IMMP1L: variants seen among roughly 807,000 people sequenced by gnomAD.
IMMP1L encodes the protein mitochondrial inner membrane protease subunit 1.
In IMMP1L, 24 loss-of-function variants were observed where a neutral mutation model predicts 21.8. That is an observed-to-expected ratio of 1.10 (90% CI 0.80 to 1.55). The LOEUF (loss-of-function observed/expected upper bound fraction) is 1.55. IMMP1L is among the 40% of genes most tolerant of loss of function. The pLI is 0.00. For missense variants in IMMP1L, 195 were observed against 200.7 expected (o/e 0.97, Z 0.17); for synonymous variants, 46 against 62.8 (o/e 0.73, Z 1.26).
At chr11:31,502,530 G>A (rs994051971) in intron 1 of IMMP1L, among the ~76,000 whole-genome samples, 4 of 152,070 alleles carry the variant, frequency 2.6e-5, no homozygotes, top group African/African-American at 4.8e-5. Flanking sequence ...GGGACCCTTC[G>A]GGCAAAATCA....
chr11:31,506,680 G>A (rs905262650), intron 1 of IMMP1L, among the ~76,000 whole-genome samples: 8 of 147,992 alleles, frequency 5.4e-5, no homozygotes, highest in Non-Finnish European at 8.9e-5. Flanking sequence ...AAAAAAAGGC[G>A]GCTGGGCGCG....
intron 1 of IMMP1L, among the ~76,000 whole-genome samples, chr11:31,495,965 GAAAT>G (rs1268110030): frequency 2.0e-5 from 3 of 151,926 alleles, no homozygotes; most frequent in Non-Finnish European, 4.4e-5. Context: ...GGTCACAAAA[GAAAT>G]AAAAATATAT....
intron 1 of IMMP1L, among the ~76,000 whole-genome samples, chr11:31,482,178 T>C (rs1294742403): frequency 1.3e-5 from 2 of 152,052 alleles, no homozygotes; most frequent in Non-Finnish European, 2.9e-5. Context: ...TGTCTCCAGA[T>C]ACAAACTGAG....
chr11:31,476,534 C>G (rs1454555691), intron 1 of IMMP1L, among the ~76,000 whole-genome samples: 1 of 151,792 alleles, frequency 6.6e-6, no homozygotes, highest in East Asian at 1.9e-4. Flanking sequence ...TTTATAATTT[C>G]AAGAAAATAC....
intron 1 of IMMP1L, among the ~76,000 whole-genome samples, chr11:31,506,052 T>C (rs1955768108): frequency 6.6e-6 from 1 of 152,092 alleles, no homozygotes; most frequent in African/African-American, 2.4e-5. Context: ...CCGCACACTG[T>C]TCAAGGATCA....
intron 4 of IMMP1L, among the ~76,000 whole-genome samples, chr11:31,455,708 C>T (rs1227008003): frequency 1.3e-5 from 2 of 152,056 alleles, no homozygotes; most frequent in Admixed American, 6.5e-5. Context: ...TTTTTATGAC[C>T]TTGACATTTT....
At chr11:31,484,786 T>C (rs1397755426) in intron 1 of IMMP1L, among the ~76,000 whole-genome samples, 1 of 151,918 alleles carries the variant, frequency 6.6e-6, no homozygotes, top group East Asian at 1.9e-4. Flanking sequence ...GCCTCTAAAA[T>C]ACTTTGTTTA....
In IMMP1L at chr11:31,450,719, C is replaced by T. The variant is rs1050278723; in HGVS notation, c.321+5541G>A. On this transcript the variant is annotated intron_variant, in intron 4 of 5. Coordinates refer to ENST00000532287, the MANE Select transcript of IMMP1L (RefSeq NM_001304274.2). Reference sequence around the variant, plus strand: ...TCAGCAGCGTGGTAGGCTCCATGAACATCTTCTGAGAAGTTGTAACATCAT... The same window carrying T: ...TCAGCAGCGTGGTAGGCTCCATGAATATCTTCTGAGAAGTTGTAACATCAT... 7.0e-4 allele frequency among the ~76,000 whole-genome samples: 107 copies of T among 152,120 alleles called. 2 individuals carry two copies. Among genetic ancestry groups the T allele is most frequent in the Non-Finnish European group, 1.5e-4 (10 of 68,010 alleles).
chr11:31,433,056 ACAATAAGT>A (rs1300062308), intron 5 of IMMP1L, among the ~76,000 whole-genome samples: 3 of 152,222 alleles, frequency 2.0e-5, no homozygotes, highest in Non-Finnish European at 4.4e-5. Flanking sequence ...TCATACATTC[ACAATAAGT>A]CTGTGACTCA....
At chr11:31,442,251 T>C (rs897020363) in intron 4 of IMMP1L, among the ~76,000 whole-genome samples, 4 of 152,172 alleles carry the variant, frequency 2.6e-5, no homozygotes, top group Admixed American at 2.0e-4. Context: ...TTCTCAGCTA[T>C]ATTTACTGAG....
chr11:31,465,976 A>G (rs1386114049), intron 1 of IMMP1L, among the ~76,000 whole-genome samples: 1 of 151,966 alleles, frequency 6.6e-6, no homozygotes, highest in Non-Finnish European at 1.5e-5. Context: ...ATAAAGTAAA[A>G]AGACAACATG....
At chr11:31,474,870 C>A (rs938507876) in intron 1 of IMMP1L, among the ~76,000 whole-genome samples, 16 of 152,220 alleles carry the variant, frequency 1.1e-4, no homozygotes, top group Non-Finnish European at 1.9e-4. Context: ...AGGCTCCCTG[C>A]GATTCCTATG....
At chr11:31,492,250 T>A (rs1026446513) in intron 1 of IMMP1L, among the ~76,000 whole-genome samples, 13 of 152,172 alleles carry the variant, frequency 8.5e-5, no homozygotes, top group Non-Finnish European at 1.9e-4. Flanking sequence ...CATACACTTT[T>A]ATGTTATGGC....
At chr11:31,505,625 A>G (rs984030241) in intron 1 of IMMP1L, among the ~76,000 whole-genome samples, 1 of 152,174 alleles carries the variant, frequency 6.6e-6, no homozygotes, top group Non-Finnish European at 1.5e-5. Context: ...AGCAAAACAG[A>G]CAAATTAGTA....
intron 4 of IMMP1L, chr11:31,448,965 A>G: frequency 1.0e-6 from 1 of 985,454 alleles, no homozygotes; most frequent in Non-Finnish European, 1.2e-6. Flanking sequence ...ACTTCACTTT[A>G]GCAAAAGAGT....
At chr11:31,478,172 T>G (rs545180283) in intron 1 of IMMP1L, among the ~76,000 whole-genome samples, 4 of 152,210 alleles carry the variant, frequency 2.6e-5, no homozygotes, top group Non-Finnish European at 4.4e-5. Flanking sequence ...ACTATCCATA[T>G]GCAGCCGCCT....
chr11:31,440,943 T>C (rs1179897099), intron 4 of IMMP1L, among the ~76,000 whole-genome samples: 3 of 152,162 alleles, frequency 2.0e-5, no homozygotes, highest in Admixed American at 6.5e-5. Flanking sequence ...GGCATAAATG[T>C]TCCTCAGTAG....
chr11:31,452,116 G>A (rs972498217), intron 4 of IMMP1L: 9 of 649,354 alleles, frequency 1.4e-5, no homozygotes, highest in South Asian at 1.4e-4. Flanking sequence ...GAATGAGTTC[G>A]AAAAAATAAT....
chr11:31,493,586 T>G (rs1206403454), intron 1 of IMMP1L, among the ~76,000 whole-genome samples: 2 of 152,156 alleles, frequency 1.3e-5, no homozygotes, highest in Non-Finnish European at 2.9e-5. Context: ...ATCATGCCTT[T>G]CCAACAGTTC....
Sources: allele counts gnomAD v4.1 joint callset (sites outside exome capture counted in the v4.1 genomes callset), GRCh38; gene constraint gnomAD v4.1.1; transcripts MANE v1.5; gene names NCBI Gene and HGNC (gene_info 2026-07-23, HGNC 2026-07-21).